PCSK6: variants seen among roughly 807,000 people sequenced by gnomAD.
The protein encoded by PCSK6 is paired basic amino acid cleaving enzyme 4.
PCSK6 carries 85 observed loss-of-function variants against 123.3 expected under a neutral mutation model. The ratio of observed to expected loss-of-function variants is 0.69; its 90% confidence interval spans 0.58 to 0.83. The LOEUF (loss-of-function observed/expected upper bound fraction) is 0.83, where lower values mean the gene tolerates loss of function less well. Ranked by LOEUF, PCSK6 falls within the 40% of genes least tolerant of loss-of-function variation. PCSK6 has a pLI of 0.00. For synonymous variants in PCSK6, 508 were observed against 516.0 expected (o/e 0.98, Z 0.21); for missense variants, 1,191 against 1,282.3 (o/e 0.93, Z 1.09).
chr15:101,426,915 G>A (rs1172667121), intron 6 of PCSK6, among the ~76,000 whole-genome samples: 1 of 152,228 alleles, frequency 6.6e-6, no homozygotes. Context: ...GCAGCCACCT[G>A]AGTGAGCAGG....
At chr15:101,373,905 A>G (rs1003541537) in intron 11 of PCSK6, among the ~76,000 whole-genome samples, 2 of 152,248 alleles carry the variant, frequency 1.3e-5, no homozygotes, top group Non-Finnish European at 2.9e-5. Flanking sequence ...ACTGATTTAG[A>G]AAGATCTTAA....
At chr15:101,403,418 T>C (rs181751061) in intron 6 of PCSK6, among the ~76,000 whole-genome samples, 22 of 91,726 alleles carry the variant, frequency 2.4e-4, no homozygotes, top group East Asian at 1.4e-3. Context: ...ACTTAAAGTA[T>C]AATAATAATT....
intron 1 of PCSK6, among the ~76,000 whole-genome samples, chr15:101,450,262 T>C (rs79296276): frequency 0.029 from 4,440 of 151,424 alleles, 211 homozygotes; most frequent in African/African-American, 0.1. Flanking sequence ...TCTCGGAGAA[T>C]ACACGACCAG....
At chr15:101,439,063 A>AC (rs138316359) in intron 2 of PCSK6, among the ~76,000 whole-genome samples, 3,160 of 152,356 alleles carry the variant, frequency 0.021, 62 homozygotes, top group Admixed American at 0.04. Flanking sequence ...AAGGATGCCC[A>AC]CATGAGGCCA....
At chr15:101,325,484 G>C (rs73489222) in intron 16 of PCSK6, among the ~76,000 whole-genome samples, 1,669 of 152,292 alleles carry the variant, frequency 0.011, 28 homozygotes, top group African/African-American at 0.038. Flanking sequence ...GAGCCACATG[G>C]GCACCCGGCT....
chr15:101,480,358 G>C (rs1341705009), intron 1 of PCSK6, among the ~76,000 whole-genome samples: 1 of 152,258 alleles, frequency 6.6e-6, no homozygotes. Flanking sequence ...CGTGGCTGCG[G>C]GGCCCTGTGG....
At chr15:101,415,689 A>G (rs2055862817) in intron 6 of PCSK6, among the ~76,000 whole-genome samples, 1 of 152,108 alleles carries the variant, frequency 6.6e-6, no homozygotes, top group Non-Finnish European at 1.5e-5. Context: ...GAATTCCCAC[A>G]TGTTGTGGGA....
chr15:101,353,774 C>T (rs2040963350), intron 13 of PCSK6, among the ~76,000 whole-genome samples: 1 of 152,138 alleles, frequency 6.6e-6, no homozygotes. Flanking sequence ...GCGTGGAGAC[C>T]TCACCAGGTT....
At chr15:101,481,286 T>C in intron 1 of PCSK6, among the ~76,000 whole-genome samples, 1 of 149,794 alleles carries the variant, frequency 6.7e-6, no homozygotes. Flanking sequence ...GAACTGACAG[T>C]GCAGCAGAAC....
chr15:101,399,808 C>T (rs182969608), intron 6 of PCSK6, among the ~76,000 whole-genome samples: 2 of 152,232 alleles, frequency 1.3e-5, no homozygotes, highest in East Asian at 3.9e-4. Context: ...CACTTGACAC[C>T]CACAGCTCCC....
intron 13 of PCSK6, among the ~76,000 whole-genome samples, chr15:101,359,969 T>G (rs1326490729): frequency 6.6e-6 from 1 of 152,130 alleles, no homozygotes; most frequent in Non-Finnish European, 1.5e-5. Context: ...AAATCCAAGC[T>G]CCTGATCTTC....
intron 13 of PCSK6, among the ~76,000 whole-genome samples, chr15:101,362,151 T>A (rs1596233296): frequency 6.6e-6 from 1 of 151,860 alleles, no homozygotes; most frequent in Non-Finnish European, 1.5e-5. Context: ...AGAGATGGGG[T>A]TTCACCATGT....
chr15:101,393,479 G>A, intron 7 of PCSK6, 55 bp from the exon 8 acceptor site: 3 of 1,411,562 alleles, frequency 2.1e-6, no homozygotes, highest in Admixed American at 2.1e-5. Context: ...CGTAGGGTGG[G>A]TCTCCCCCCG....
Position 101,443,540 on chromosome 15 carries a change from TC to T in PCSK6, c.402+15del, listed in dbSNP as rs2056809861. On this transcript the variant is annotated intron_variant, in intron 2 of 21. Transcript: ENST00000611716. ...AAACCCTCCAGCCCTTAGGAAAGCA[TC>T]CGGACACTCTGTACCTGGGGGTCCA... 1 of 1,572,646 alleles carries T rather than the reference TC, an allele frequency of 6.4e-7. No homozygotes were observed. Among genetic ancestry groups the T allele is most frequent in the South Asian group, 1.1e-5 (1 of 90,230 alleles).
rs773831640 is a variant in PCSK6 at position 101,382,082 on chromosome 15, A to G, written c.1532+10T>C. 11 of 1,584,754 alleles carry G rather than the reference A, an allele frequency of 6.9e-6. No individual in the cohort carries two copies. Among genetic ancestry groups the G allele is most frequent in the Non-Finnish European group, 9.5e-6 (11 of 1,161,486 alleles). Reference sequence around the variant, plus strand: ...CCTGAGAAGTCACCGATGCCACAGCAGAGCCTTACCTGGGTCTCTTGTCCG... The same window carrying G: ...CCTGAGAAGTCACCGATGCCACAGCGGAGCCTTACCTGGGTCTCTTGTCCG... On this transcript the variant is annotated intron_variant, in intron 11 of 21. Transcript: ENST00000611716.
intron 1 of PCSK6, among the ~76,000 whole-genome samples, chr15:101,447,117 C>T (rs1482444385): frequency 6.6e-6 from 1 of 152,186 alleles, no homozygotes; most frequent in African/African-American, 2.4e-5. Flanking sequence ...GTCCTCCCCA[C>T]CCACCTAAGC....
intron 1 of PCSK6, among the ~76,000 whole-genome samples, chr15:101,468,938 T>C (rs1035402929): frequency 6.6e-6 from 1 of 152,208 alleles, no homozygotes; most frequent in African/African-American, 2.4e-5. Flanking sequence ...ATTTTACAGG[T>C]GAATGATTTG....
At chr15:101,464,740 C>T (rs2057417066) in intron 1 of PCSK6, among the ~76,000 whole-genome samples, 1 of 152,138 alleles carries the variant, frequency 6.6e-6, no homozygotes, top group African/African-American at 2.4e-5. Flanking sequence ...CCTGGGGAGG[C>T]CTGGAGCTGG....
chr15:101,380,167 T>G (rs1024237415), intron 11 of PCSK6, among the ~76,000 whole-genome samples: 3 of 152,220 alleles, frequency 2.0e-5, no homozygotes, highest in Non-Finnish European at 2.9e-5. Context: ...ACACTGTATG[T>G]GACGGCGGGC....
Sources: allele counts gnomAD v4.1 joint callset (sites outside exome capture counted in the v4.1 genomes callset), GRCh38; gene constraint gnomAD v4.1.1; transcripts MANE v1.5; gene names NCBI Gene and HGNC (gene_info 2026-07-23, HGNC 2026-07-21).